GLB1: variants seen among roughly 807,000 people sequenced by gnomAD.
The protein encoded by GLB1 is beta-galactosidase.
In GLB1, 56 loss-of-function variants were observed where a neutral mutation model predicts 74.0. The observed-to-expected ratio is 0.76, with a 90% CI of 0.61 to 0.94. GLB1 has a LOEUF of 0.94. GLB1 is among the 40% of genes least tolerant of loss of function. The pLI, the probability that GLB1 is intolerant of heterozygous loss-of-function variation, is 0.00. For missense variants in GLB1, 787 were observed against 845.5 expected (o/e 0.93, Z 0.86); for synonymous variants, 323 against 323.6 (o/e 1.00, Z 0.02).
Position 33,051,785 on chromosome 3 carries a change from C to G in GLB1, c.928G>C (p.Gly310Arg). Residue 310 changes from glycine (G) to arginine (R), a missense_variant, in exon 9 of 16, where the codon GGT becomes CGT. Gly to Arg is a moderately radical substitution (Grantham distance 125). Coordinates refer to ENST00000307363, the MANE Select transcript of GLB1 (RefSeq NM_000404.4). ...TTCCAATAGGCAAAATTGGTCCCAC[C>G]TATAAACATGTACCTACAAGGAAAC... Reference protein sequence around the residue: ...GASVNLYMFIGGTNFAYWNGA... With the variant: ...GASVNLYMFIRGTNFAYWNGA... The G allele has an allele frequency of 6.2e-7, 1 of 1,614,080 alleles. No homozygotes were observed. The highest frequency in any genetic ancestry group is 1.3e-5 in the African/African-American group (1 of 75,006).
intron 4 of GLB1, among the ~76,000 whole-genome samples, chr3:33,066,668 G>C (rs1377808346): frequency 1.3e-5 from 2 of 152,216 alleles, no homozygotes; most frequent in African/African-American, 4.8e-5. Context: ...GCTGAATGAA[G>C]AAAAGAGTGA....
intron 15 of GLB1, among the ~76,000 whole-genome samples, chr3:33,007,568 T>A (rs1696839611): frequency 6.6e-6 from 1 of 152,256 alleles, no homozygotes; most frequent in Admixed American, 6.5e-5. Flanking sequence ...TGCTGAATCA[T>A]ATTCCATTGT....
rs2125463133 is a variant in GLB1 at position 33,014,145 on chromosome 3, G to A, written c.1645C>T (p.Pro549Ser). The change falls in exon 15 of 16, where the codon CCG becomes TCG. Residue 549 changes from proline to serine, a missense_variant. Transcript: ENST00000307363. ...WAHNSSNYTL[P>S]AFYMGNFSIP... The stretch of plus-strand genomic sequence containing the variant: ...GAGAAGTTCCCCATATAAAAGGCCG[G>A]GAGCGTGTAGTTGGATGAGTTGTGG... 6.2e-7 allele frequency: 1 copy of A among 1,614,190 alleles called. No homozygotes were observed.
At chr3:32,986,169 C>T in the GLB1 span, among the ~76,000 whole-genome samples, 6 of 152,236 alleles carry the variant, frequency 3.9e-5, no homozygotes, top group Non-Finnish European at 7.3e-5. Flanking sequence ...GCTGCTCTGT[C>T]GGCTGCTCCT....
intron 5 of GLB1, among the ~76,000 whole-genome samples, chr3:33,059,303 CCAATATA>C (rs1699352617): frequency 2.7e-5 from 4 of 146,226 alleles, no homozygotes; most frequent in African/African-American, 1.0e-4. Flanking sequence ...AGCAAATAAA[CCAATATA>C]CAATATCTCA....
rs755455383 is a variant in GLB1 at position 33,077,086 on chromosome 3, T to C, written c.76-4373A>G. On this transcript the variant is annotated intron_variant, in intron 1 of 15. Transcript: ENST00000307363. The stretch of plus-strand genomic sequence containing the variant: ...AAAAAAAAAAATTAAAATTAGTGTC[T>C]CCCTCACCCACTGCTGCCGCCTCCT... The C allele has an allele frequency of 4.4e-6, 6 of 1,377,958 alleles. 1 individual carries two copies. The South Asian group carries it at 4.9e-5, about 11-fold the overall frequency. 85.4% of individuals were successfully genotyped at this position (1,377,958 alleles called of 1,614,324 possible).
chr3:33,010,500 G>A lies in GLB1; in HGVS notation c.1734+3556C>T, dbSNP rs114908835. Among the ~76,000 whole-genome samples, 1,063 of 152,184 alleles carry A rather than the reference G, an allele frequency of 7.0e-3. 15 individuals carry two copies. Among genetic ancestry groups the A allele is most frequent in the African/African-American group, 0.024 (1,010 of 41,520 alleles). On this transcript the variant is annotated intron_variant, in intron 15 of 15. Coordinates refer to ENST00000307363, the MANE Select transcript of GLB1 (RefSeq NM_000404.4). ...GTGACTGGGCTGTTTGTCTATTATTGAATTGTAAGAATTCTTTACATATTC... is the reference window on the plus strand; with the variant it reads ...GTGACTGGGCTGTTTGTCTATTATTAAATTGTAAGAATTCTTTACATATTC...
chr3:32,999,167 A>G (rs1190187926), intron 15 of GLB1, among the ~76,000 whole-genome samples: 1 of 152,254 alleles, frequency 6.6e-6, no homozygotes, highest in East Asian at 1.9e-4. Context: ...AAAGAGGACG[A>G]CAGTTTCACA....
the GLB1 span, among the ~76,000 whole-genome samples, chr3:32,988,671 T>C: frequency 2.0e-5 from 3 of 152,214 alleles, no homozygotes; most frequent in South Asian, 2.1e-4. Context: ...TTTTACCAGG[T>C]TGGCTTTTGT....
At position 33,065,533 on chromosome 3, in the gene GLB1, C is replaced by T. The variant is rs768691348; in HGVS notation, c.482G>A (p.Trp161Ter). The stretch of plus-strand genomic sequence containing the variant: ...CATCTTGGGCAGAAGGACTCCCAAC[C>T]ACTTGTCCACAGCTGCCAGGTAATC... ...DPDYLAAVDK[W>*]LGVLLPKMKP... The change falls in exon 5 of 16, where the codon TGG becomes TAG. Residue 161 changes from tryptophan (W) to a stop codon, truncating the protein, a stop_gained. Transcript: ENST00000307363. LOFTEE classifies it high-confidence loss of function. 6.3e-7 allele frequency: 1 copy of T among 1,581,512 alleles called. No homozygotes were observed. Among genetic ancestry groups the T allele is most frequent in the Non-Finnish European group, 8.6e-7 (1 of 1,160,184 alleles).
chr3:32,968,429 G>A, the GLB1 span, among the ~76,000 whole-genome samples: 2 of 152,092 alleles, frequency 1.3e-5, no homozygotes, highest in African/African-American at 2.4e-5. Flanking sequence ...GGAAGGCAGG[G>A]TATAAAGTGT....
In GLB1 at chr3:33,093,868, C is replaced by T. The variant is rs768128883; in HGVS notation, c.75+3143G>A. 3.1e-6 allele frequency: 5 copies of T among 1,613,654 alleles called. No homozygotes were observed. The highest frequency in any genetic ancestry group is 4.2e-6 in the Non-Finnish European group (5 of 1,179,878). ...GCCGCCAAGGAAAAGAGATAGGGCT[C>T]TTCGGCCACTAAAAAGAACATGGTA... On this transcript the variant is annotated intron_variant, in intron 1 of 15. Transcript: ENST00000307363. The surrounding 1 kb of genome is among the most constrained non-coding windows in gnomAD (Gnocchi z 6.0).
At chr3:32,977,517 CTAGATTTTTA>C in the GLB1 span, among the ~76,000 whole-genome samples, 1 of 152,006 alleles carries the variant, frequency 6.6e-6, no homozygotes, top group Admixed American at 6.6e-5. Context: ...CAAATCTTAT[CTAGATTTTTA>C]AAGCGAAGGG....
At position 33,013,076 on chromosome 3, in the gene GLB1, G is replaced by A. The variant is rs113100650; in HGVS notation, c.1734+980C>T. On this transcript the variant is annotated intron_variant, in intron 15 of 15. Transcript: ENST00000307363. Reference sequence around the variant, plus strand: ...AACTTTAACGTGGCCTATAAGGCCCGTCCCAATCTAGTCTCTACCTACTTT... The same window carrying A: ...AACTTTAACGTGGCCTATAAGGCCCATCCCAATCTAGTCTCTACCTACTTT... 4.7e-3 allele frequency among the ~76,000 whole-genome samples: 721 copies of A among 152,278 alleles called. 6 individuals are homozygous for A. The highest frequency in any genetic ancestry group is 0.016 in the African/African-American group (655 of 41,542).
rs1372228437 is a variant in GLB1 at position 33,045,657 on chromosome 3, A to G, written c.1068+463T>C. ...TTTACCTCTTTTGATATTGAAGTACATTAGCTGTGTCTCAAGGATAGGGGC... is the reference window on the plus strand; with the variant it reads ...TTTACCTCTTTTGATATTGAAGTACGTTAGCTGTGTCTCAAGGATAGGGGC... On this transcript the variant is annotated intron_variant, in intron 10 of 15. Coordinates refer to ENST00000307363, the MANE Select transcript of GLB1 (RefSeq NM_000404.4). 9.9e-6 allele frequency: 10 copies of G among 1,008,434 alleles called. No individual in the cohort carries two copies. In the South Asian group the frequency reaches 2.1e-4, roughly 21 times the overall value. 62.5% of individuals were successfully genotyped at this position (1,008,434 alleles called of 1,614,324 possible).
In GLB1 at chr3:33,045,501, T is replaced by C. The variant is rs528839736; in HGVS notation, c.1068+619A>G. On this transcript the variant is annotated intron_variant, in intron 10 of 15. Transcript: ENST00000307363. ...ATTGGGCCACACATAAAAAGGAAAA[T>C]AGTTTATCTTCTTCTCTCTTGCAAA... 492 of 987,852 alleles carry C rather than the reference T, an allele frequency of 5.0e-4. 1 individual carries two copies. Among genetic ancestry groups the C allele is most frequent in the South Asian group, 1.6e-3 (34 of 21,536 alleles). 61.2% of individuals were successfully genotyped at this position (987,852 alleles called of 1,614,324 possible). A position where few individuals can be genotyped will look rare whatever the true frequency, so the allele number is the denominator to read the frequency against.
chr3:33,006,600 C>T (rs1438972870), intron 15 of GLB1, among the ~76,000 whole-genome samples: 1 of 152,186 alleles, frequency 6.6e-6, no homozygotes, highest in Non-Finnish European at 1.5e-5. Flanking sequence ...AAAGCATTGC[C>T]CTGTGTCTGC....
At chr3:33,043,689 T>A (rs1317205959) in intron 10 of GLB1, among the ~76,000 whole-genome samples, 1 of 58,404 alleles carries the variant, frequency 1.7e-5, no homozygotes, top group African/African-American at 4.5e-5. Context: ...CTAGATATTT[T>A]AAAAATTCGA....
chr3:32,975,733 A>T, the GLB1 span, among the ~76,000 whole-genome samples: 1 of 152,242 alleles, frequency 6.6e-6, no homozygotes, highest in Non-Finnish European at 1.5e-5. Flanking sequence ...ACAGTGAACA[A>T]GATCAACAAT....
Sources: gnomAD v4.1 joint callset for allele counts (sites outside exome capture counted in the v4.1 genomes callset) on GRCh38, gnomAD v4.1.1 for gene constraint, Gnocchi (gnomAD v3.1) non-coding constraint, MANE v1.5 for transcripts, NCBI Gene and HGNC (gene_info 2026-07-23, HGNC 2026-07-21) for gene names.